The following RIMS1 variants were observed in gnomAD, a reference collection of about 807,000 sequenced individuals.
RIMS1 encodes regulating synaptic membrane exocytosis protein 1.
In RIMS1, 83 loss-of-function variants were observed where a neutral mutation model predicts 214.1. The ratio of observed to expected loss-of-function variants is 0.39; its 90% CI spans 0.32 to 0.47. The LOEUF (loss-of-function observed/expected upper bound fraction) is 0.47, where lower values mean the gene tolerates loss of function less well. Among genes scored for constraint, RIMS1 ranks in the 20% least tolerant of loss-of-function variants. The probability of loss-of-function intolerance (pLI) is 0.99; values close to 1 mark genes in which losing one functional copy is unlikely to be tolerated. For synonymous variants in RIMS1, 793 were observed against 786.8 expected, an observed-to-expected ratio of 1.01 and a Z score of -0.13; for missense variants, 2,050 against 2,161.8, an observed-to-expected ratio of 0.95 and a Z score of 1.03.
chr6:72,385,013 G>A (rs541453968), intron 29 of RIMS1, among the ~76,000 whole-genome samples: 19 of 152,084 alleles, frequency 1.2e-4, no homozygotes, highest in Admixed American at 9.8e-4. Context: ...TTGCCCTTCC[G>A]GAACACGGGT....
chr6:72,216,906 G>C, intron 6 of RIMS1: 1 of 1,222,238 alleles, frequency 8.2e-7, no homozygotes, highest in Non-Finnish European at 1.0e-6. Context: ...ACAGCACAGA[G>C]CACTATAGAT....
At chr6:71,942,390 A>G (rs1786432267) in intron 1 of RIMS1, among the ~76,000 whole-genome samples, 1 of 152,156 alleles carries the variant, frequency 6.6e-6, no homozygotes, top group African/African-American at 2.4e-5. Flanking sequence ...TTAGTTAAAT[A>G]TTTTTAGTAG....
chr6:72,371,677 C>T (rs918537843), intron 29 of RIMS1, among the ~76,000 whole-genome samples: 2 of 152,136 alleles, frequency 1.3e-5, no homozygotes, highest in African/African-American at 4.8e-5. Context: ...TCCTGAAGTG[C>T]TGGCCAGCAT....
chr6:72,103,280 A>G (rs1014399050), intron 4 of RIMS1, among the ~76,000 whole-genome samples: 2 of 152,068 alleles, frequency 1.3e-5, no homozygotes, highest in African/African-American at 4.8e-5. Flanking sequence ...TTAATGACAA[A>G]TCTATTTTTG....
At chr6:72,276,736 T>C (rs2086656863) in intron 23 of RIMS1, among the ~76,000 whole-genome samples, 1 of 152,162 alleles carries the variant, frequency 6.6e-6, no homozygotes, top group African/African-American at 2.4e-5. Context: ...AAGACAAATA[T>C]GTACGTATAA....
Position 72,262,881 on chromosome 6 carries a change from A to G in RIMS1, c.3117-2094A>G, listed in dbSNP as rs562394999. 4.4e-5 allele frequency: 25 copies of G among 565,394 alleles called. No individual in the cohort carries two copies. The African/African-American group carries it at 4.5e-4, about 10-fold the overall frequency. The allele number at this position is 565,394 out of a possible 1,614,324, so 35.0% of individuals were successfully genotyped here. ...ACTAGTCTCTAGTAAACATAAGGAAAATAACATTTATTTAATAACAAGCAC... is the reference window on the plus strand; with the variant it reads ...ACTAGTCTCTAGTAAACATAAGGAAGATAACATTTATTTAATAACAAGCAC... On this transcript the variant is annotated intron_variant, in intron 19 of 33. Coordinates refer to ENST00000521978, the MANE Select transcript of RIMS1 (RefSeq NM_014989.7).
intron 1 of RIMS1, among the ~76,000 whole-genome samples, chr6:71,942,374 C>G (rs531671774): frequency 1.8e-4 from 28 of 152,154 alleles, no homozygotes; most frequent in African/African-American, 6.5e-4. Context: ...ATTGATCACT[C>G]TAAATTTAGT....
intron 2 of RIMS1, among the ~76,000 whole-genome samples, chr6:72,013,510 TATG>T (rs968617028): frequency 3.3e-5 from 5 of 152,096 alleles, no homozygotes; most frequent in Admixed American, 2.0e-4. Context: ...CCTGGGAACA[TATG>T]ATGACAATAT....
At chr6:72,104,657 G>A (rs531951859) in intron 4 of RIMS1, among the ~76,000 whole-genome samples, 2 of 152,266 alleles carry the variant, frequency 1.3e-5, no homozygotes, top group East Asian at 3.9e-4. Context: ...TGAGCATGGA[G>A]CAGAGAAGAA....
intron 2 of RIMS1, among the ~76,000 whole-genome samples, chr6:71,973,742 TGATA>T (rs1796454765): frequency 6.6e-6 from 1 of 152,098 alleles, no homozygotes; most frequent in East Asian, 1.9e-4. Context: ...AGTGTGTCAC[TGATA>T]GATCCTAGCG....
chr6:72,315,643 A>G (rs1429905723), intron 28 of RIMS1, among the ~76,000 whole-genome samples: 1 of 152,162 alleles, frequency 6.6e-6, no homozygotes, highest in African/African-American at 2.4e-5. Context: ...TTATCCCTTC[A>G]TATGCATTCT....
intron 2 of RIMS1, among the ~76,000 whole-genome samples, chr6:72,003,242 T>C (rs1387370198): frequency 6.6e-6 from 1 of 152,168 alleles, no homozygotes; most frequent in African/African-American, 2.4e-5. Context: ...GGCTCTTTTC[T>C]TGCCTTAGTT....
At chr6:72,253,022 G>A (rs907269484) in intron 16 of RIMS1, among the ~76,000 whole-genome samples, 190 bp downstream of exon 16, 4 of 152,136 alleles carry the variant, frequency 2.6e-5, no homozygotes, top group African/African-American at 9.7e-5. Flanking sequence ...CTACTAATTA[G>A]CATTCCCATA....
rs536136620 is a variant in RIMS1, at chr6:72,023,091, T to G, written c.245+54028T>G. On this transcript the variant is annotated intron_variant, in intron 2 of 33. Coordinates refer to ENST00000521978, the MANE Select transcript of RIMS1 (RefSeq NM_014989.7). ...TTTCTGTTTGGAGTGATTTTTGAAT[T>G]ATTTTGCTTTCTACAGAGAAATTCA... Among the ~76,000 whole-genome samples, 12 of 152,272 alleles carry G rather than the reference T, an allele frequency of 7.9e-5. No individual in the cohort carries two copies. In the South Asian group the frequency reaches 2.3e-3, roughly 29 times the overall value.
chr6:72,142,356 G>A lies in RIMS1; in HGVS notation c.472-37219G>A, dbSNP rs546213922. 1.3e-4 allele frequency among the ~76,000 whole-genome samples: 19 copies of A among 151,884 alleles called. No individual in the cohort carries two copies. The Middle Eastern group carries it at 0.01, about 82-fold the overall frequency. ...ATTTTTTCCTTGGAACAAAATATGTGGTATTTTGTTATTATTTTAAAGTGA... is the reference window on the plus strand; with the variant it reads ...ATTTTTTCCTTGGAACAAAATATGTAGTATTTTGTTATTATTTTAAAGTGA... On this transcript the variant is annotated intron_variant, in intron 4 of 33. Transcript: ENST00000521978.
chr6:72,084,225 C>T (rs1027617781), intron 2 of RIMS1, among the ~76,000 whole-genome samples: 5 of 152,060 alleles, frequency 3.3e-5, no homozygotes, highest in Non-Finnish European at 5.9e-5. Context: ...TATGATTAGA[C>T]CTATTTAATA....
chr6:72,096,573 G>A (rs534180746), intron 2 of RIMS1, among the ~76,000 whole-genome samples: 18 of 152,288 alleles, frequency 1.2e-4, no homozygotes, highest in African/African-American at 4.3e-4. Context: ...AATATTTTGT[G>A]TAATTTTTGT....
chr6:71,887,580 G>A (rs1360274193), intron 1 of RIMS1, among the ~76,000 whole-genome samples: 2 of 152,162 alleles, frequency 1.3e-5, no homozygotes, highest in African/African-American at 4.8e-5. Context: ...GGGGAGGCAG[G>A]ATGAAGAGGT....
intron 6 of RIMS1, among the ~76,000 whole-genome samples, chr6:72,189,366 G>A (rs1010858756): frequency 6.6e-6 from 1 of 152,178 alleles, no homozygotes; most frequent in African/African-American, 2.4e-5. Flanking sequence ...TGAGCCCACT[G>A]CTGCACTTCT....
Sources: gnomAD v4.1 joint callset for allele counts (sites outside exome capture counted in the v4.1 genomes callset) on GRCh38, gnomAD v4.1.1 for gene constraint, MANE v1.5 for transcripts, NCBI Gene and HGNC (gene_info 2026-07-23, HGNC 2026-07-21) for gene names.